The following PLA2G7 variants were observed in gnomAD, a reference collection of about 807,000 sequenced individuals.
PLA2G7 encodes phospholipase A2 group VII.
In PLA2G7, 63 loss-of-function variants were observed where a neutral mutation model predicts 49.6. The observed-to-expected ratio is 1.27, with a 90% CI of 1.04 to 1.57. The LOEUF is 1.57. Among genes scored for constraint, PLA2G7 ranks in the 40% most tolerant of loss-of-function variants. PLA2G7 has a pLI of 0.00. For synonymous variants in PLA2G7, 193 were observed against 169.9 expected, an observed-to-expected ratio of 1.14 and a Z score of -1.06; for missense variants, 596 against 521.2, an observed-to-expected ratio of 1.14 and a Z score of -1.40.
At chr6:46,718,255 T>A (rs1328845151) in intron 2 of PLA2G7, among the ~76,000 whole-genome samples, 1 of 152,212 alleles carries the variant, frequency 6.6e-6, no homozygotes, top group East Asian at 1.9e-4. Context: ...CTTCAATGCC[T>A]CCCTATCAGC....
intron 5 of PLA2G7, among the ~76,000 whole-genome samples, chr6:46,713,573 A>G (rs1041820098): frequency 6.6e-6 from 1 of 152,226 alleles, no homozygotes; most frequent in Non-Finnish European, 1.5e-5. Flanking sequence ...CTACATTTAC[A>G]GTGCTGAAGA....
chr6:46,721,282 A>G (rs947601342), intron 2 of PLA2G7, among the ~76,000 whole-genome samples: 2 of 151,874 alleles, frequency 1.3e-5, no homozygotes, highest in Admixed American at 6.6e-5. Context: ...TCCTGACCTC[A>G]AGTGATCCAC....
chr6:46,725,818 G>A (rs2150710131), intron 1 of PLA2G7, among the ~76,000 whole-genome samples: 1 of 152,234 alleles, frequency 6.6e-6, no homozygotes, highest in African/African-American at 2.4e-5. Context: ...CATGCACACT[G>A]AAGGGGCCAA....
At chr6:46,717,986 G>A (rs1344760821) in intron 2 of PLA2G7, among the ~76,000 whole-genome samples, 1 of 152,136 alleles carries the variant, frequency 6.6e-6, no homozygotes, top group Non-Finnish European at 1.5e-5. Context: ...AAAGTGCTGG[G>A]TTTACAGGCG....
At chr6:46,723,736 C>T (rs779871606) in intron 1 of PLA2G7, among the ~76,000 whole-genome samples, 5 of 152,168 alleles carry the variant, frequency 3.3e-5, no homozygotes, top group African/African-American at 9.7e-5. Context: ...TAACGAGTCT[C>T]CCTGCTTTTG....
At chr6:46,716,868 G>A (rs1457954148) in intron 3 of PLA2G7, 107 bp downstream of exon 3, 2 of 1,123,544 alleles carry the variant, frequency 1.8e-6, no homozygotes, top group African/African-American at 1.5e-5. Flanking sequence ...ATTGCAAAAT[G>A]AGTCATTCTC....
rs370673938 is a variant in PLA2G7 at position 46,707,522 on chromosome 6, G to A, written c.1040+469C>T. Among the ~76,000 whole-genome samples, 16 of 152,228 alleles carry A rather than the reference G, an allele frequency of 1.1e-4. No homozygotes were observed. In the South Asian group the frequency reaches 2.9e-3, roughly 28 times the overall value. On this transcript the variant is annotated intron_variant, in intron 10 of 11. Coordinates refer to ENST00000274793, the MANE Select transcript of PLA2G7 (RefSeq NM_005084.4). ...GCTGTCATTGTGACAGTGAATTCTTGTGAGACCTGGTTATTTAAAAGTGTG... is the reference window on the plus strand; with the variant it reads ...GCTGTCATTGTGACAGTGAATTCTTATGAGACCTGGTTATTTAAAAGTGTG...
intron 2 of PLA2G7, 80 bp from the exon 3 acceptor site, chr6:46,717,176 CA>C: frequency 7.9e-7 from 1 of 1,266,004 alleles, no homozygotes; most frequent in Non-Finnish European, 1.2e-6. Flanking sequence ...CCAACGGAAT[CA>C]AGTTACTTCC....
At chr6:46,710,757 A>G (rs953700076) in intron 7 of PLA2G7, 99 bp from the exon 8 acceptor site, 3 of 890,450 alleles carry the variant, frequency 3.4e-6, no homozygotes, top group Non-Finnish European at 5.5e-6. Context: ...ATCGTTGGTC[A>G]GTTATAAACT....
chr6:46,710,706 C>A (rs1304619754), intron 7 of PLA2G7, 48 bp from the exon 8 acceptor site: 2 of 1,415,522 alleles, frequency 1.4e-6, no homozygotes, highest in African/African-American at 1.4e-5. Context: ...AAAGTTATAA[C>A]ACTTATTTTA....
chr6:46,708,978 C>A (rs544497954), intron 9 of PLA2G7, among the ~76,000 whole-genome samples: 2 of 152,160 alleles, frequency 1.3e-5, no homozygotes, highest in East Asian at 3.9e-4. Context: ...ATGTCCTGCC[C>A]ACTGGAGAAG....
chr6:46,706,223 T>C (rs1048710358), intron 10 of PLA2G7, among the ~76,000 whole-genome samples: 3 of 152,220 alleles, frequency 2.0e-5, no homozygotes, highest in Admixed American at 1.3e-4. Context: ...CTCTGCCTCT[T>C]GACTCTGCTG....
At chr6:46,721,561 C>T (rs932611620) in intron 2 of PLA2G7, among the ~76,000 whole-genome samples, 4 of 150,954 alleles carry the variant, frequency 2.6e-5, no homozygotes, top group Admixed American at 1.3e-4. Flanking sequence ...GATGATTTTC[C>T]CACCATCTAA....
intron 1 of PLA2G7, among the ~76,000 whole-genome samples, chr6:46,731,079 C>A (rs1765720736): frequency 6.6e-6 from 1 of 152,124 alleles, no homozygotes; most frequent in African/African-American, 2.4e-5. Flanking sequence ...GCTTTTTTTC[C>A]TCTAAGCAGG....
chr6:46,730,292 C>T (rs1224559728), intron 1 of PLA2G7, among the ~76,000 whole-genome samples: 1 of 152,180 alleles, frequency 6.6e-6, no homozygotes, highest in Non-Finnish European at 1.5e-5. Context: ...CTATGTAGGC[C>T]CAGACTGTAC....
chr6:46,705,256 G>A lies in PLA2G7; in HGVS notation c.1086C>T (p.Gly362=), dbSNP rs763133629. 1.9e-6 allele frequency: 3 copies of A among 1,611,360 alleles called. No homozygotes were observed. The highest frequency in any genetic ancestry group is 8.5e-7 in the Non-Finnish European group (1 of 1,177,754). The change falls in exon 11 of 12, where the codon GGC becomes GGT. Residue 362 remains glycine (G), a synonymous_variant. Transcript: ENST00000274793. ...QNFADFTFAT[G]KIIGHMLKLK... is the part of the protein sequence containing the mutation. ...ATTTGAGCATGTGTCCAATTATTTT[G>A]CCAGTTGCAAAAGTGAAGTCAGCAA...
At position 46,716,496 on chromosome 6, in the gene PLA2G7, T is replaced by TTGGGA; in HGVS notation, c.259_263dup (p.Gln88HisfsTer36). 1 of 1,613,816 alleles carries TTGGGA rather than the reference T, an allele frequency of 6.2e-7. No individual in the cohort carries two copies. Among genetic ancestry groups the TTGGGA allele is most frequent in the Non-Finnish European group, 8.5e-7 (1 of 1,179,722 alleles). ...AAAGGGTGTCAAGGCGATCATTATC[T>TTGGGA]TGGGATGGATAATATAAACGCAAGA... On this transcript the variant is annotated frameshift_variant, in exon 4 of 12. Transcript: ENST00000274793. LOFTEE classifies it high-confidence loss of function.
chr6:46,731,977 C>T (rs1765747992), intron 1 of PLA2G7, among the ~76,000 whole-genome samples: 1 of 152,154 alleles, frequency 6.6e-6, no homozygotes, highest in Non-Finnish European at 1.5e-5. Flanking sequence ...AATCCATTCT[C>T]CACATAGCAC....
At position 46,721,484 on chromosome 6, in the gene PLA2G7, A is replaced by T. The variant is rs559887947; in HGVS notation, c.109+1299T>A. Among the ~76,000 whole-genome samples, 30 of 152,168 alleles carry T rather than the reference A, an allele frequency of 2.0e-4. No individual in the cohort carries two copies. The South Asian group carries it at 2.5e-3, about 13-fold the overall frequency. On this transcript the variant is annotated intron_variant, in intron 2 of 11. Coordinates refer to ENST00000274793, the MANE Select transcript of PLA2G7 (RefSeq NM_005084.4). ...TCCAATTATTTTTAAAGACAAAGGG[A>T]TTTTAAAAATGTTTAAATTTTTACC...
Sources: allele counts gnomAD v4.1 joint callset (sites outside exome capture counted in the v4.1 genomes callset), GRCh38; gene constraint gnomAD v4.1.1; transcripts MANE v1.5; gene names NCBI Gene and HGNC (gene_info 2026-07-23, HGNC 2026-07-21).